HPSE2: variants seen among roughly 807,000 people sequenced by gnomAD.
HPSE2 encodes heparanase 2 (inactive), also known as inactive heparanase-2.
In HPSE2, 38 loss-of-function variants were observed where a neutral mutation model predicts 60.5. That is an observed-to-expected ratio of 0.63 (90% CI 0.48 to 0.82). HPSE2 has a LOEUF of 0.82. Among genes scored for constraint, HPSE2 ranks in the 40% least tolerant of loss-of-function variants. HPSE2 has a pLI of 0.00. For missense variants in HPSE2, 713 were observed against 740.4 expected (o/e 0.96, Z 0.43); for synonymous variants, 295 against 293.2 (o/e 1.01, Z -0.06).
At chr10:98,517,058 T>C (rs1039187885) in intron 9 of HPSE2, among the ~76,000 whole-genome samples, 7 of 152,162 alleles carry the variant, frequency 4.6e-5, no homozygotes, top group Admixed American at 4.6e-4. Context: ...CAGGAAAATA[T>C]TGTAGGAATA....
intron 3 of HPSE2, among the ~76,000 whole-genome samples, chr10:98,953,203 C>A (rs983286730): frequency 6.6e-6 from 1 of 152,084 alleles, no homozygotes; most frequent in East Asian, 1.9e-4. Flanking sequence ...CTAAGATGTT[C>A]CATAAAAGGC....
chr10:98,782,892 G>A (rs1472194069), intron 3 of HPSE2, among the ~76,000 whole-genome samples: 1 of 127,736 alleles, frequency 7.8e-6, no homozygotes, highest in African/African-American at 2.9e-5. Context: ...GGTTGAGTGG[G>A]TCTACTTCCC....
chr10:98,643,744 A>G (rs1189983230), intron 6 of HPSE2, among the ~76,000 whole-genome samples: 1 of 152,220 alleles, frequency 6.6e-6, no homozygotes, highest in East Asian at 1.9e-4. Flanking sequence ...ACTACATGAA[A>G]GCCAGGCATG....
intron 3 of HPSE2, among the ~76,000 whole-genome samples, chr10:98,976,274 G>T (rs1045050265): frequency 5.3e-5 from 8 of 152,240 alleles, no homozygotes; most frequent in African/African-American, 1.9e-4. Flanking sequence ...GGCAAGTATA[G>T]CAATAGCTAA....
intron 6 of HPSE2, among the ~76,000 whole-genome samples, chr10:98,690,678 GT>G (rs1211137988): frequency 1.7e-4 from 25 of 148,586 alleles, no homozygotes; most frequent in Middle Eastern, 3.4e-3. Context: ...TAAGCCAGTG[GT>G]TTTTTTTTTA....
At chr10:99,043,826 A>G (rs1431794612) in intron 3 of HPSE2, among the ~76,000 whole-genome samples, 1 of 152,136 alleles carries the variant, frequency 6.6e-6, no homozygotes, top group African/African-American at 2.4e-5. Context: ...AAGAAGAAAG[A>G]ATTTTTAAAA....
At chr10:99,198,649 T>C (rs1007093511) in intron 2 of HPSE2, among the ~76,000 whole-genome samples, 17 of 152,178 alleles carry the variant, frequency 1.1e-4, no homozygotes, top group Non-Finnish European at 2.1e-4. Context: ...TAATAAACTT[T>C]AGGGTTTTAT....
chr10:99,182,968 C>CA (rs1235497713), intron 2 of HPSE2, among the ~76,000 whole-genome samples: 3 of 151,884 alleles, frequency 2.0e-5, no homozygotes, highest in African/African-American at 7.3e-5. Context: ...CACACACACA[C>CA]ACAAAAAAAA....
At chr10:98,734,077 C>T (rs2134293042) in intron 4 of HPSE2, among the ~76,000 whole-genome samples, 1 of 152,290 alleles carries the variant, frequency 6.6e-6, no homozygotes, top group South Asian at 2.1e-4. Flanking sequence ...TTTGTCTATT[C>T]TGGACATTTC....
At chr10:98,728,930 GTCCAA>G (rs940219451) in intron 4 of HPSE2, among the ~76,000 whole-genome samples, 9 of 152,228 alleles carry the variant, frequency 5.9e-5, no homozygotes, top group African/African-American at 2.2e-4. Flanking sequence ...AATCGCTTGA[GTCCAA>G]GAGGTTGAGG....
At chr10:99,189,693 T>A (rs1848152718) in intron 2 of HPSE2, among the ~76,000 whole-genome samples, 1 of 152,124 alleles carries the variant, frequency 6.6e-6, no homozygotes, top group Non-Finnish European at 1.5e-5. Context: ...AAGCAAGGAT[T>A]TTTCTGTTGT....
At chr10:98,930,746 G>A (rs1954619521) in intron 3 of HPSE2, among the ~76,000 whole-genome samples, 1 of 144,650 alleles carries the variant, frequency 6.9e-6, no homozygotes, top group Non-Finnish European at 1.5e-5. Context: ...TTTTTCATGT[G>A]TTTGTTGGCT....
At chr10:98,485,228 AT>A (rs1224765792) in intron 10 of HPSE2, among the ~76,000 whole-genome samples, 1 of 152,202 alleles carries the variant, frequency 6.6e-6, no homozygotes, top group Non-Finnish European at 1.5e-5. Flanking sequence ...ACTTAAAAAA[AT>A]CTTTCTGGGA....
intron 2 of HPSE2, among the ~76,000 whole-genome samples, chr10:99,209,780 C>T (rs2133905610): frequency 6.6e-6 from 1 of 152,338 alleles, no homozygotes; most frequent in South Asian, 2.1e-4. Flanking sequence ...ACCTCCGCCT[C>T]CCGGGTTCAA....
At position 98,874,026 on chromosome 10, in the gene HPSE2, T is replaced by C. The variant is rs942220799; in HGVS notation, c.611-129970A>G. ...TAAATGTCTTCTTTTGAAAAGTGTC[T>C]GTTCATATCCTTTGCCTACTTTTTG... On this transcript the variant is annotated intron_variant, in intron 3 of 11. Transcript: ENST00000370552. Among the ~76,000 whole-genome samples the C allele has an allele frequency of 2.1e-5, 3 of 145,884 alleles. No homozygotes were observed. The East Asian group carries it at 5.8e-4, about 28-fold the overall frequency.
chr10:98,636,712 G>A (rs77597206), intron 7 of HPSE2, among the ~76,000 whole-genome samples: 4,092 of 152,270 alleles, frequency 0.027, 204 homozygotes, highest in African/African-American at 0.094. Flanking sequence ...AGTTTAGTTA[G>A]TATTCAAAAT....
intron 3 of HPSE2, among the ~76,000 whole-genome samples, chr10:98,878,940 A>G (rs1952946578): frequency 6.6e-6 from 1 of 152,012 alleles, no homozygotes; most frequent in South Asian, 2.1e-4. Flanking sequence ...CTGGCAAGAG[A>G]GGAAAGGGAA....
At chr10:98,535,324 G>T (rs7076284) in intron 9 of HPSE2, among the ~76,000 whole-genome samples, 4,488 of 148,090 alleles carry the variant, frequency 0.03, 191 homozygotes, top group African/African-American at 0.1. Context: ...ATTTTTGTTT[G>T]TTTTTTTTTT....
chr10:99,078,989 T>C (rs1348406518), intron 3 of HPSE2, among the ~76,000 whole-genome samples: 1 of 152,124 alleles, frequency 6.6e-6, no homozygotes, highest in Non-Finnish European at 1.5e-5. Flanking sequence ...TTAGGCAGCC[T>C]CTGGAAAAGT....
Sources: gnomAD v4.1 joint callset for allele counts (sites outside exome capture counted in the v4.1 genomes callset) on GRCh38, gnomAD v4.1.1 for gene constraint, MANE v1.5 for transcripts, NCBI Gene and HGNC (gene_info 2026-07-23, HGNC 2026-07-21) for gene names.